The following CNTN5 variants were observed in gnomAD, a reference collection of about 807,000 sequenced individuals.
The protein encoded by CNTN5 is contactin-5.
In CNTN5, 77 loss-of-function variants were observed where a neutral mutation model predicts 129.1. The ratio of observed to expected loss-of-function variants is 0.60; its 90% CI spans 0.50 to 0.72. The LOEUF (loss-of-function observed/expected upper bound fraction) is 0.72, where lower values mean the gene tolerates loss of function less well. Among genes scored for constraint, CNTN5 ranks in the 30% least tolerant of loss-of-function variants. The probability of loss-of-function intolerance (pLI) is 0.00; values close to 1 mark genes in which losing one functional copy is unlikely to be tolerated. For synonymous variants in CNTN5, 509 were observed against 465.6 expected (o/e 1.09, Z -1.20); for missense variants, 1,478 against 1,328.8 (o/e 1.11, Z -1.75).
chr11:99,804,838 AC>A (rs1266653470), intron 3 of CNTN5, among the ~76,000 whole-genome samples: 1 of 150,008 alleles, frequency 6.7e-6, no homozygotes, highest in African/African-American at 2.4e-5. Flanking sequence ...ATATGTATAT[AC>A]ATATAAAATA....
chr11:99,591,350 T>TTTG, intron 3 of CNTN5, among the ~76,000 whole-genome samples: 1 of 147,770 alleles, frequency 6.8e-6, no homozygotes, highest in Non-Finnish European at 1.5e-5. Flanking sequence ...TTTTTTTTTT[T>TTTG]TTTTTGAGAC....
chr11:99,852,590 T>A (rs893248963), intron 6 of CNTN5, among the ~76,000 whole-genome samples: 8 of 152,234 alleles, frequency 5.3e-5, no homozygotes, highest in South Asian at 2.1e-4. Context: ...CAAGTTTTTT[T>A]AATTCAAGTA....
chr11:99,540,747 T>C (rs1228304702), intron 2 of CNTN5, among the ~76,000 whole-genome samples: 1 of 152,080 alleles, frequency 6.6e-6, no homozygotes, highest in Admixed American at 6.5e-5. Context: ...GCTATGTCTG[T>C]CTTTCTCACT....
intron 3 of CNTN5, among the ~76,000 whole-genome samples, chr11:99,634,729 C>T (rs992993013): frequency 6.6e-6 from 1 of 152,172 alleles, no homozygotes. Flanking sequence ...AGGAACTCTG[C>T]CCAGTCTCTT....
chr11:99,567,276 C>T (rs896798779), intron 3 of CNTN5, among the ~76,000 whole-genome samples: 1 of 152,124 alleles, frequency 6.6e-6, no homozygotes, highest in Non-Finnish European at 1.5e-5. Context: ...CTTCCTAGAC[C>T]TACATTAATA....
Position 100,191,213 on chromosome 11 carries a change from C to T in CNTN5, c.1668C>T (p.Val556=). The T allele has an allele frequency of 6.2e-7, 1 of 1,612,626 alleles. No homozygotes were observed. Among genetic ancestry groups the T allele is most frequent in the East Asian group, 2.2e-5 (1 of 44,772 alleles). The change falls in exon 14 of 25, where the codon GTC becomes GTT. Residue 556 remains valine (V), a synonymous_variant. Transcript: ENST00000524871. ...EGKYVCRGEN[V]FGSAEIIASL... is the part of the protein sequence containing the mutation. ...AGTACGTTTGCCGAGGGGAAAACGT[C>T]TTTGGTTCTGCTGAAATTATAGCTT... is the stretch of plus-strand genomic sequence containing the variant.
At chr11:99,948,779 G>A (rs1247995950) in intron 7 of CNTN5, among the ~76,000 whole-genome samples, 1 of 152,170 alleles carries the variant, frequency 6.6e-6, no homozygotes, top group East Asian at 1.9e-4. Context: ...TTACTAGATT[G>A]TATTGGTGCT....
intron 9 of CNTN5, among the ~76,000 whole-genome samples, chr11:100,043,860 A>T (rs1025961820): frequency 1.3e-5 from 2 of 151,996 alleles, no homozygotes; most frequent in Non-Finnish European, 2.9e-5. Flanking sequence ...TTAGGTCATA[A>T]ATTCCTTGAG....
At chr11:99,921,787 A>G (rs1226040257) in intron 7 of CNTN5, among the ~76,000 whole-genome samples, 3 of 152,208 alleles carry the variant, frequency 2.0e-5, no homozygotes, top group Admixed American at 6.5e-5. Context: ...GAAATATATG[A>G]AATGAGCCCA....
chr11:99,779,503 T>C (rs1424756060), intron 3 of CNTN5, among the ~76,000 whole-genome samples: 2 of 151,994 alleles, frequency 1.3e-5, no homozygotes, highest in African/African-American at 4.8e-5. Flanking sequence ...TCCAGAAGAC[T>C]GGTAAATTTC....
intron 3 of CNTN5, among the ~76,000 whole-genome samples, chr11:99,753,786 C>T (rs1272381169): frequency 2.0e-5 from 3 of 146,618 alleles, no homozygotes; most frequent in Non-Finnish European, 4.5e-5. Flanking sequence ...CCTCTGGGTT[C>T]ATGCAATTCT....
At chr11:99,580,550 T>C in intron 3 of CNTN5, among the ~76,000 whole-genome samples, 1 of 152,206 alleles carries the variant, frequency 6.6e-6, no homozygotes, top group South Asian at 2.1e-4. Context: ...CTTCCTGGTT[T>C]AGTCTTGGGA....
intron 1 of CNTN5, among the ~76,000 whole-genome samples, chr11:99,035,275 G>A (rs1313519434): frequency 6.7e-6 from 1 of 149,468 alleles, no homozygotes; most frequent in Non-Finnish European, 1.5e-5. Context: ...TTCTGTAGAT[G>A]TCTATTAGGT....
intron 2 of CNTN5, among the ~76,000 whole-genome samples, chr11:99,345,435 A>G (rs1937774750): frequency 6.6e-6 from 1 of 152,204 alleles, no homozygotes; most frequent in African/African-American, 2.4e-5. Flanking sequence ...AACTTAAAAT[A>G]AATATATCCA....
chr11:100,074,296 T>C lies in CNTN5; in HGVS notation c.1580+2T>C. On this transcript the variant is annotated splice_donor_variant, in intron 13 of 24. Transcript: ENST00000524871. LOFTEE classifies it high-confidence loss of function. The stretch of plus-strand genomic sequence containing the variant: ...CAGAGCAGTTAGAGAAAACAAAAGG[T>C]TAGAATCTATTTTATAATTCAAGTT... The C allele has an allele frequency of 6.3e-7, 1 of 1,581,408 alleles. No individual in the cohort carries two copies. The highest frequency in any genetic ancestry group is 8.6e-7 in the Non-Finnish European group (1 of 1,162,830).
chr11:99,293,759 G>A (rs185662657), intron 1 of CNTN5, among the ~76,000 whole-genome samples: 153 of 152,066 alleles, frequency 1.0e-3, no homozygotes, highest in Non-Finnish European at 7.2e-4. Flanking sequence ...GGTACCAGGT[G>A]TAATGTCTTA....
intron 2 of CNTN5, among the ~76,000 whole-genome samples, chr11:99,502,320 G>A (rs1173739919): frequency 6.6e-6 from 1 of 151,966 alleles, no homozygotes; most frequent in Non-Finnish European, 1.5e-5. Context: ...ATATGGTTAG[G>A]CTTTGTGTCC....
intron 3 of CNTN5, among the ~76,000 whole-genome samples, chr11:99,724,412 T>C (rs1943270112): frequency 6.6e-6 from 1 of 152,198 alleles, no homozygotes; most frequent in African/African-American, 2.4e-5. Flanking sequence ...TGTTCATTTT[T>C]ATATATTCCA....
intron 2 of CNTN5, among the ~76,000 whole-genome samples, chr11:99,370,713 TA>T (rs1415212950): frequency 6.6e-6 from 1 of 152,192 alleles, no homozygotes; most frequent in Non-Finnish European, 1.5e-5. Flanking sequence ...GGGTGAAGGA[TA>T]TTGTTGCTAC....
Sources: allele counts gnomAD v4.1 joint callset (sites outside exome capture counted in the v4.1 genomes callset), GRCh38; gene constraint gnomAD v4.1.1; transcripts MANE v1.5; gene names NCBI Gene and HGNC (gene_info 2026-07-23, HGNC 2026-07-21).